STK33: variants seen among roughly 807,000 people sequenced by gnomAD.
STK33 encodes the protein serine/threonine kinase 33.
STK33 carries 52 observed loss-of-function variants against 58.0 expected under a neutral mutation model. The ratio of observed to expected loss-of-function variants is 0.90; its 90% CI spans 0.72 to 1.13. The LOEUF (loss-of-function observed/expected upper bound fraction) is 1.13, where lower values mean the gene tolerates loss of function less well. STK33 is among the 50% of genes most tolerant of loss of function. The probability of loss-of-function intolerance (pLI) is 0.00; values close to 1 mark genes in which losing one functional copy is unlikely to be tolerated. For synonymous variants in STK33, 215 were observed against 200.1 expected, an observed-to-expected ratio of 1.07 and a Z score of -0.63; for missense variants, 630 against 604.2, an observed-to-expected ratio of 1.04 and a Z score of -0.45.
chr11:8,444,146 C>A (rs1945108735), intron 11 of STK33, among the ~76,000 whole-genome samples: 1 of 152,006 alleles, frequency 6.6e-6, no homozygotes, highest in Non-Finnish European at 1.5e-5. Context: ...CCATTGGGAG[C>A]TTTATTTATT....
intron 1 of STK33, among the ~76,000 whole-genome samples, chr11:8,504,357 C>A (rs1377323494): frequency 6.6e-6 from 1 of 152,202 alleles, no homozygotes. Flanking sequence ...TCAATTCTCA[C>A]AATGGCAACA....
At chr11:8,581,231 A>C in intron 1 of STK33, among the ~76,000 whole-genome samples, 1 of 152,012 alleles carries the variant, frequency 6.6e-6, no homozygotes, top group Non-Finnish European at 1.5e-5. Flanking sequence ...ACCGATATAC[A>C]CAGTGTTGTA....
chr11:8,555,756 T>G (rs1219732982), intron 1 of STK33, among the ~76,000 whole-genome samples: 2 of 152,144 alleles, frequency 1.3e-5, no homozygotes, highest in African/African-American at 4.8e-5. Flanking sequence ...ATATGTTAAT[T>G]AGCTTGATTT....
At chr11:8,517,547 A>G (rs1175399180) in intron 1 of STK33, among the ~76,000 whole-genome samples, 2 of 152,228 alleles carry the variant, frequency 1.3e-5, no homozygotes, top group Non-Finnish European at 2.9e-5. Flanking sequence ...TCTCCAAACT[A>G]AAGGAGGATG....
At chr11:8,591,883 GC>G (rs773588167) in intron 1 of STK33, among the ~76,000 whole-genome samples, 10 of 151,838 alleles carry the variant, frequency 6.6e-5, no homozygotes, top group Non-Finnish European at 1.3e-4. Flanking sequence ...TATACCTAAT[GC>G]TAAATGACGA....
At chr11:8,470,201 T>C (rs1011373092) in intron 6 of STK33, among the ~76,000 whole-genome samples, 3 of 152,232 alleles carry the variant, frequency 2.0e-5, no homozygotes, top group African/African-American at 4.8e-5. Flanking sequence ...TATCAATGTC[T>C]TAGGTAGATC....
the STK33 span, among the ~76,000 whole-genome samples, chr11:8,377,212 T>C: frequency 6.6e-6 from 1 of 152,220 alleles, no homozygotes; most frequent in South Asian, 2.1e-4. Context: ...GATACCCCTA[T>C]AGTTGTGGGG....
intron 1 of STK33, among the ~76,000 whole-genome samples, chr11:8,575,637 TG>T (rs1453040820): frequency 3.9e-5 from 6 of 152,128 alleles, no homozygotes; most frequent in Non-Finnish European, 7.4e-5. Context: ...AGTTTCTGTT[TG>T]GGGTGTTGAA....
chr11:8,512,319 T>G (rs957153813), intron 1 of STK33, among the ~76,000 whole-genome samples: 1 of 125,652 alleles, frequency 8.0e-6, no homozygotes, highest in African/African-American at 3.2e-5. Flanking sequence ...CTTGTGGAAA[T>G]AGAGGGTAGA....
Position 8,392,558 on chromosome 11 carries a change from C to T in STK33, c.1497G>A (p.Lys499=), listed in dbSNP as rs541108640. ...PVTPSQGTAT[K]YPAKSGALSR... The stretch of plus-strand genomic sequence containing the variant: ...ACAGGGCGCCGGATTTAGCAGGGTA[C>T]TTGGTTGCTGTTCCTTGGCTTGGAG... The change falls in exon 16 of 16, where the codon AAG becomes AAA. Residue 499 remains lysine, a synonymous_variant. Transcript: ENST00000687296. The T allele has an allele frequency of 9.3e-6, 15 of 1,614,130 alleles. No homozygotes were observed. Among genetic ancestry groups the T allele is most frequent in the Admixed American group, 8.3e-5 (5 of 59,996 alleles).
intron 10 of STK33, among the ~76,000 whole-genome samples, chr11:8,453,516 C>G (rs1196749821): frequency 6.6e-6 from 1 of 151,978 alleles, no homozygotes; most frequent in Non-Finnish European, 1.5e-5. Flanking sequence ...GGAAAAAAAC[C>G]ACAACAACAA....
chr11:8,590,836 A>G (rs770687539), intron 1 of STK33, among the ~76,000 whole-genome samples: 1 of 152,214 alleles, frequency 6.6e-6, no homozygotes, highest in Non-Finnish European at 1.5e-5. Context: ...GCAGGAAAGG[A>G]AATTCTTTCT....
chr11:8,501,142 T>C (rs1299649191), intron 1 of STK33, among the ~76,000 whole-genome samples: 1 of 152,130 alleles, frequency 6.6e-6, no homozygotes, highest in African/African-American at 2.4e-5. Context: ...TAGGCAACAG[T>C]TTCTTAGATA....
At chr11:8,350,399 T>C in the STK33 span, among the ~76,000 whole-genome samples, 1 of 152,126 alleles carries the variant, frequency 6.6e-6, no homozygotes, top group African/African-American at 2.4e-5. Flanking sequence ...AGCCAACAAA[T>C]GAGGCTAGGA....
intron 9 of STK33, among the ~76,000 whole-genome samples, chr11:8,456,613 G>C (rs1213889435): frequency 6.6e-6 from 1 of 151,892 alleles, no homozygotes; most frequent in East Asian, 1.9e-4. Flanking sequence ...TCTGTAAAGT[G>C]AGAAGGTTCT....
chr11:8,387,535 C>T (rs1026395738), downstream of STK33, among the ~76,000 whole-genome samples: 3 of 152,152 alleles, frequency 2.0e-5, no homozygotes, highest in Non-Finnish European at 2.9e-5. Flanking sequence ...AACTGATACA[C>T]GTAACGTGCT....
At chr11:8,538,300 T>C (rs777086115) in intron 1 of STK33, among the ~76,000 whole-genome samples, 1 of 152,210 alleles carries the variant, frequency 6.6e-6, no homozygotes, top group Non-Finnish European at 1.5e-5. Flanking sequence ...AACAACTCTA[T>C]GAAGTAGGCA....
Position 8,448,089 on chromosome 11 carries a change from A to C in STK33, c.871+4733T>G, listed in dbSNP as rs376880968. 9.2e-5 allele frequency among the ~76,000 whole-genome samples: 14 copies of C among 152,088 alleles called. 1 individual carries two copies. The highest frequency in any genetic ancestry group is 2.0e-4 in the Admixed American group (3 of 15,254). ...TCCAACTTACAAGGGATGTGAAGGA[A>C]CTCTTCAAGGAGAACTACAAACCAC... is the stretch of plus-strand genomic sequence containing the variant. On this transcript the variant is annotated intron_variant, in intron 11 of 15. Transcript: ENST00000687296.
intron 11 of STK33, among the ~76,000 whole-genome samples, chr11:8,450,936 A>G (rs1946200337): frequency 6.6e-6 from 1 of 152,254 alleles, no homozygotes; most frequent in Non-Finnish European, 1.5e-5. Context: ...CCTAGTAAGC[A>G]CATGAAAGAT....
Sources: gnomAD v4.1 joint callset for allele counts (sites outside exome capture counted in the v4.1 genomes callset) on GRCh38, gnomAD v4.1.1 for gene constraint, MANE v1.5 for transcripts, NCBI Gene and HGNC (gene_info 2026-07-23, HGNC 2026-07-21) for gene names.